Variants in ADGRE2 observed in about 807,000 individuals in gnomAD.
ADGRE2 encodes the protein adhesion G protein-coupled receptor E2.
Under a neutral mutation model 100.8 loss-of-function variants are expected in ADGRE2, and 83 were observed. That is an observed-to-expected ratio of 0.82 (90% confidence interval 0.69 to 0.99). The LOEUF (loss-of-function observed/expected upper bound fraction) is 0.99, where lower values mean the gene tolerates loss of function less well. ADGRE2 is among the 50% of genes least tolerant of loss of function. The pLI, the probability that ADGRE2 is intolerant of heterozygous loss-of-function variation, is 0.00. For synonymous variants in ADGRE2, 355 were observed against 413.0 expected, an observed-to-expected ratio of 0.86 and a Z score of 1.70; for missense variants, 814 against 1,035.7, an observed-to-expected ratio of 0.79 and a Z score of 2.94.
In ADGRE2 at chr19:14,756,339, G is replaced by C; in HGVS notation, c.1091C>G (p.Ser364Cys). The C allele has an allele frequency of 6.2e-7, 1 of 1,612,808 alleles. No individual in the cohort carries two copies. The highest frequency in any genetic ancestry group is 2.2e-5 in the East Asian group (1 of 44,872). ...NFSYPAGTELSLEVQKQVDRS... is the reference protein window; with the variant it reads ...NFSYPAGTELCLEVQKQVDRS... ...GTCTACTTGCTTCTGCACCTCCAGG[G>C]ACAATTCTATGAGTTGTGGGAATTA... Residue 364 changes from serine (S) to cysteine (C), a missense_variant, in exon 12 of 21, where the codon TCC (serine) becomes TGC (cysteine). Physicochemically the swap from Ser to Cys is moderately radical, Grantham distance 112 (BLOSUM62 -1). Transcript: ENST00000315576.
At chr19:14,749,539 T>TATGTAATATAATTATTTATAGTTATGTA (rs537691896) in intron 16 of ADGRE2, among the ~76,000 whole-genome samples, 1,034 of 67,662 alleles carry the variant, frequency 0.015, 152 homozygotes, top group African/African-American at 0.057. Flanking sequence ...TATTTATGGT[T>TATGTAATATAATTATTTATAGTTATGTA]ATATAATTAT....
rs1408530411 is a variant in ADGRE2, at chr19:14,734,264, C to T, written c.*1972G>A. The T allele has an allele frequency of 2.6e-5, 4 of 152,222 alleles. No homozygotes were observed. The highest frequency in any genetic ancestry group is 2.1e-4 in the South Asian group (1 of 4,822). The allele number at this position is 152,222 out of a possible 1,614,324, so 9.4% of individuals were successfully genotyped here. A position where few individuals can be genotyped will look rare whatever the true frequency, so the allele number is the denominator to read the frequency against. ...TGCAGTGGCTCAAGCCTGTAATCCC[C>T]GCACTTAGGGAGGCTGAGGCCTGCG... On this transcript the variant is annotated 3_prime_UTR_variant, in exon 21 of 21. Coordinates refer to ENST00000315576, the MANE Select transcript of ADGRE2 (RefSeq NM_013447.4).
chr19:14,776,251 CAGA>C (rs1176956072), intron 2 of ADGRE2, among the ~76,000 whole-genome samples: 3 of 151,858 alleles, frequency 2.0e-5, no homozygotes, highest in African/African-American at 7.3e-5. Context: ...GAAAGAGAGA[CAGA>C]AGGAGAAAGA....
At chr19:14,730,443 C>T (rs1364174431), downstream of ADGRE2, among the ~76,000 whole-genome samples, 1 of 151,858 alleles carries the variant, frequency 6.6e-6, no homozygotes, top group Non-Finnish European at 1.5e-5. Context: ...TTCCTTCTTT[C>T]CTTCCTCCCT....
chr19:14,762,930 G>A (rs1439438283), intron 11 of ADGRE2, among the ~76,000 whole-genome samples: 4 of 152,164 alleles, frequency 2.6e-5, no homozygotes, highest in Admixed American at 1.3e-4. Flanking sequence ...AGGTGTGAGC[G>A]CCTGGCATTA....
intron 11 of ADGRE2, among the ~76,000 whole-genome samples, chr19:14,760,117 C>G (rs1309183389): frequency 6.6e-6 from 1 of 152,112 alleles, no homozygotes; most frequent in Non-Finnish European, 1.5e-5. Context: ...CGTGCCCGGC[C>G]CAAGTTCTAT....
intron 5 of ADGRE2, among the ~76,000 whole-genome samples, chr19:14,770,320 C>T (rs1306914786): frequency 1.3e-5 from 2 of 152,134 alleles, no homozygotes; most frequent in African/African-American, 4.8e-5. Context: ...CTTCCCCTTT[C>T]CCGTCTGCCA....
rs1023852205 is a variant in ADGRE2 at position 14,747,047 on chromosome 19, C to A, written c.2025-85G>T. Reference sequence around the variant, plus strand: ...AAATCTATTCCATCCCTCCTCACCACTTCCTCACTTCCTTCCTACGTCAAC... The same window carrying A: ...AAATCTATTCCATCCCTCCTCACCAATTCCTCACTTCCTTCCTACGTCAAC... On this transcript the variant is annotated intron_variant, in intron 16 of 20. Coordinates refer to ENST00000315576, the MANE Select transcript of ADGRE2 (RefSeq NM_013447.4). The A allele has an allele frequency of 1.0e-5, 11 of 1,068,712 alleles. No homozygotes were observed. The Admixed American group carries it at 1.4e-4, about 14-fold the overall frequency. The allele number at this position is 1,068,712 out of a possible 1,614,324, so 66.2% of individuals were successfully genotyped here.
rs897734041 is a variant in ADGRE2, at chr19:14,743,863, C to T, written c.2184-79G>A. The T allele has an allele frequency of 1.4e-5, 17 of 1,224,654 alleles. No individual in the cohort carries two copies. The East Asian group carries it at 3.8e-4, about 27-fold the overall frequency. 75.9% of individuals were successfully genotyped at this position (1,224,654 alleles called of 1,614,324 possible). A position where few individuals can be genotyped will look rare whatever the true frequency, so the allele number is the denominator to read the frequency against. ...GCTATTTCATCTGTGCCCATGGAGT[C>T]CCCTGCCCTCCCCTGTAGATGATTT... On this transcript the variant is annotated intron_variant, in intron 18 of 20. Coordinates refer to ENST00000315576, the MANE Select transcript of ADGRE2 (RefSeq NM_013447.4).
intron 15 of ADGRE2, 36 bp from the exon 16 acceptor site, chr19:14,751,707 C>T: frequency 1.3e-6 from 2 of 1,519,078 alleles, no homozygotes; most frequent in African/African-American, 2.8e-5. Context: ...GAGCGGCGAT[C>T]AGATTTGAGT....
At chr19:14,724,322 C>G in the ADGRE2 span, among the ~76,000 whole-genome samples, 1 of 152,218 alleles carries the variant, frequency 6.6e-6, no homozygotes, top group Non-Finnish European at 1.5e-5. Flanking sequence ...ATACATTGCT[C>G]TTCCCCACAT....
rs2042727784 is a variant in ADGRE2, at chr19:14,735,295, G to A, written c.*941C>T. On this transcript the variant is annotated 3_prime_UTR_variant, in exon 21 of 21. Coordinates refer to ENST00000315576, the MANE Select transcript of ADGRE2 (RefSeq NM_013447.4). ...GGGTAGAGATGGTTCTCACTCTGTT[G>A]CCCACACTGGTCTCAAACTCCTGGG... is the stretch of plus-strand genomic sequence containing the variant. The A allele has an allele frequency of 6.6e-6, 1 of 151,796 alleles. No homozygotes were observed. Among genetic ancestry groups the A allele is most frequent in the Non-Finnish European group, 1.5e-5 (1 of 68,048 alleles). 9.4% of individuals were successfully genotyped at this position (151,796 alleles called of 1,614,324 possible). A position where few individuals can be genotyped will look rare whatever the true frequency, so the allele number is the denominator to read the frequency against.
intron 14 of ADGRE2, 131 bp from the exon 15 acceptor site, chr19:14,752,657 G>T: frequency 2.6e-6 from 3 of 1,144,106 alleles, no homozygotes; most frequent in Non-Finnish European, 2.5e-6. Context: ...TTGTGAAGAT[G>T]TCACCAATTT....
intron 5 of ADGRE2, among the ~76,000 whole-genome samples, chr19:14,771,413 G>A (rs535083226): frequency 8.6e-5 from 13 of 152,016 alleles, no homozygotes; most frequent in African/African-American, 2.4e-4. Flanking sequence ...GCTCCCTCCC[G>A]CACCCAACTA....
At chr19:14,766,082 AC>A in intron 7 of ADGRE2, 152 bp downstream of exon 7, 1 of 1,421,610 alleles carries the variant, frequency 7.0e-7, no homozygotes, top group Non-Finnish European at 9.6e-7. Flanking sequence ...CTTCCGCAGG[AC>A]CCTTGCTCTT....
At chr19:14,759,644 G>A (rs956875047) in intron 11 of ADGRE2, among the ~76,000 whole-genome samples, 2 of 149,584 alleles carry the variant, frequency 1.3e-5, no homozygotes, top group Admixed American at 6.7e-5. Context: ...TTACAGGCAC[G>A]TGTCACTAAG....
Position 14,746,244 on chromosome 19 carries a change from A to AG in ADGRE2, c.2170dup (p.Leu724ProfsTer10). On this transcript the variant is annotated frameshift_variant, in exon 18 of 21. Coordinates refer to ENST00000315576, the MANE Select transcript of ADGRE2 (RefSeq NM_013447.4). LOFTEE classifies it high-confidence loss of function. The stretch of plus-strand genomic sequence containing the variant: ...TTCTCCATCTTACCTTGTGTTCCGG[A>AG]GGGTGGACACTTCACTATTGAGGGA... The AG allele has an allele frequency of 6.3e-6, 10 of 1,598,208 alleles. No homozygotes were observed. The highest frequency in any genetic ancestry group is 8.6e-6 in the Non-Finnish European group (10 of 1,166,146).
Position 14,765,392 on chromosome 19 carries a change from A to T in ADGRE2, c.834T>A (p.Leu278=). ...TPPPGVHSQT[L]SRFFDKVQDL... ...CCTGGACTTTGTCGAAGAATCGGGA[A>T]AGCGTCTGCAGAGAGAGGAGATGTG... The change falls in exon 10 of 21, where the codon CTT becomes CTA. Residue 278 remains leucine, a synonymous_variant. Transcript: ENST00000315576. The T allele has an allele frequency of 1.9e-6, 3 of 1,614,150 alleles. No individual in the cohort carries two copies. Among genetic ancestry groups the T allele is most frequent in the Non-Finnish European group, 2.5e-6 (3 of 1,180,016 alleles).
At chr19:14,765,232 G>A in intron 10 of ADGRE2, 88 bp downstream of exon 10, 1 of 1,424,324 alleles carries the variant, frequency 7.0e-7, no homozygotes, top group South Asian at 1.2e-5. Flanking sequence ...ATTGGGTCCT[G>A]TCCCCTCCCA....
Sources: allele counts gnomAD v4.1 joint callset (sites outside exome capture counted in the v4.1 genomes callset), GRCh38; gene constraint gnomAD v4.1.1; transcripts MANE v1.5; gene names NCBI Gene and HGNC (gene_info 2026-07-23, HGNC 2026-07-21).